The following PAK4 variants were observed in gnomAD, a reference collection of about 807,000 sequenced individuals.
The protein encoded by PAK4 is serine/threonine-protein kinase PAK 4.
Under a neutral mutation model 53.5 loss-of-function variants are expected in PAK4, and 49 were observed. That is an observed-to-expected ratio of 0.92 (90% confidence interval 0.73 to 1.16). The LOEUF (loss-of-function observed/expected upper bound fraction) is 1.16. PAK4 is among the 50% of genes most tolerant of loss of function. The pLI, the probability that PAK4 is intolerant of heterozygous loss-of-function variation, is 0.00. For missense variants in PAK4, 824 were observed against 850.7 expected, an observed-to-expected ratio of 0.97 and a Z score of 0.39; for synonymous variants, 376 against 375.6, an observed-to-expected ratio of 1.00 and a Z score of -0.01.
intron 1 of PAK4, among the ~76,000 whole-genome samples, chr19:39,128,403 C>T (rs1293358769): frequency 3.3e-5 from 5 of 152,258 alleles, no homozygotes; most frequent in Middle Eastern, 6.8e-3. Context: ...GTCAGGGAGC[C>T]GGCACACTGC....
chr19:39,150,592 G>A (rs1208918670), intron 1 of PAK4, among the ~76,000 whole-genome samples: 1 of 152,012 alleles, frequency 6.6e-6, no homozygotes, highest in Non-Finnish European at 1.5e-5. Context: ...AGTTACATCT[G>A]TAAAACCCAG....
chr19:39,160,250 T>G (rs1476865370), intron 1 of PAK4, among the ~76,000 whole-genome samples: 1 of 152,204 alleles, frequency 6.6e-6, no homozygotes, highest in Non-Finnish European at 1.5e-5. Context: ...GCCCTGCGCC[T>G]CCTCAGGGAC....
chr19:39,164,486 G>A (rs1489224905), intron 1 of PAK4, among the ~76,000 whole-genome samples: 1 of 152,056 alleles, frequency 6.6e-6, no homozygotes, highest in Non-Finnish European at 1.5e-5. Flanking sequence ...CCCATGCAAA[G>A]GCCCTGAGGT....
At chr19:39,169,892 C>T in intron 2 of PAK4, 135 bp downstream of exon 3, 1 of 685,948 alleles carries the variant, frequency 1.5e-6, no homozygotes, top group Non-Finnish European at 2.4e-6. Context: ...AGCCTTCCAC[C>T]CCTATCCTGG....
chr19:39,144,321 C>T (rs865854493), intron 1 of PAK4, among the ~76,000 whole-genome samples: 3 of 152,178 alleles, frequency 2.0e-5, no homozygotes, highest in Non-Finnish European at 4.4e-5. Context: ...CTTCACACAC[C>T]GTGTGAACGG....
At chr19:39,157,593 C>G (rs934327181) in intron 1 of PAK4, among the ~76,000 whole-genome samples, 2 of 152,224 alleles carry the variant, frequency 1.3e-5, no homozygotes, top group Non-Finnish European at 2.9e-5. Context: ...GGGGCACGCT[C>G]TGCTGGTGCC....
intron 1 of PAK4, among the ~76,000 whole-genome samples, chr19:39,127,433 T>C (rs2073608438): frequency 6.6e-6 from 1 of 152,070 alleles, no homozygotes. Flanking sequence ...CTGGCTCGCC[T>C]TGCTGCAGGC....
intron 1 of PAK4, among the ~76,000 whole-genome samples, chr19:39,142,107 G>A (rs760162233): frequency 1.3e-5 from 2 of 152,192 alleles, no homozygotes; most frequent in Non-Finnish European, 2.9e-5. Context: ...CTCCTGAATA[G>A]CTGGGACCAC....
intron 7 of PAK4, 72 bp from the exon 9 acceptor site, chr19:39,177,603 C>T: frequency 2.0e-6 from 3 of 1,515,254 alleles, no homozygotes; most frequent in Non-Finnish European, 2.7e-6. Flanking sequence ...CTGGAGCGGT[C>T]CCTGCCTGAG....
rs553038073 is a variant in PAK4, at chr19:39,148,704, C to G, written c.-22-20828C>G. Among the ~76,000 whole-genome samples the G allele has an allele frequency of 2.6e-5, 4 of 151,056 alleles. No homozygotes were observed. In the East Asian group the frequency reaches 7.8e-4, roughly 29 times the overall value. On this transcript the variant is annotated intron_variant, in intron 1 of 8. Transcript: ENST00000358301. The stretch of plus-strand genomic sequence containing the variant: ...ACTCCTGACCTCGTGATCCGCCTGC[C>G]TCAGCCTCCCAAAGTGCTGGGATTA...
intron 2 of PAK4, among the ~76,000 whole-genome samples, chr19:39,172,355 C>T (rs1340340197): frequency 6.6e-6 from 1 of 152,134 alleles, no homozygotes; most frequent in East Asian, 1.9e-4. Context: ...CTGCCTGGTC[C>T]CCATCTGCAT....
Position 39,161,179 on chromosome 19 carries a change from C to T in PAK4, c.-22-8353C>T, listed in dbSNP as rs2074278172. Among the ~76,000 whole-genome samples the T allele has an allele frequency of 6.6e-6, 1 of 152,262 alleles. No homozygotes were observed. Among genetic ancestry groups the T allele is most frequent in the Non-Finnish European group, 1.5e-5 (1 of 68,042 alleles). ...CCACGAAGGGGAGCCCTTGTGAGTC[C>T]ACGCCCTGCTGTAGGCACTGAAATG... On this transcript the variant is annotated intron_variant, in intron 1 of 8. Transcript: ENST00000358301. The surrounding 1 kb of genome is among the most constrained non-coding windows in gnomAD (Gnocchi z 4.5).
intron 4 of PAK4, 112 bp from the exon 6 acceptor site, chr19:39,174,819 T>G: frequency 1.5e-6 from 2 of 1,298,392 alleles, no homozygotes; most frequent in South Asian, 1.3e-5. Context: ...GTGGCCCCAG[T>G]GAGCACAAGC....
intron 2 of PAK4, among the ~76,000 whole-genome samples, chr19:39,170,013 C>G (rs2144824185): frequency 6.6e-6 from 1 of 152,318 alleles, no homozygotes; most frequent in South Asian, 2.1e-4. Context: ...ACACCAGCCT[C>G]CAAGCTCTGC....
At position 39,161,342 on chromosome 19, in the gene PAK4, G is replaced by A. The variant is rs1011454567; in HGVS notation, c.-22-8190G>A. Among the ~76,000 whole-genome samples the A allele has an allele frequency of 2.0e-5, 3 of 152,216 alleles. No individual in the cohort carries two copies. Among genetic ancestry groups the A allele is most frequent in the African/African-American group, 7.2e-5 (3 of 41,456 alleles). The stretch of plus-strand genomic sequence containing the variant: ...TGGAGGGAACGGACCTAGGCTGACT[G>A]CGCCAGGCTCCGCGCCAGGTGCTGG... On this transcript the variant is annotated intron_variant, in intron 1 of 8. Transcript: ENST00000358301. The surrounding 1 kb of genome is among the most constrained non-coding windows in gnomAD (Gnocchi z 4.5).
downstream of PAK4, chr19:39,180,459 T>A (rs1336291391): frequency 6.6e-6 from 1 of 152,146 alleles, no homozygotes; most frequent in Middle Eastern, 3.2e-3. Context: ...TTTTTTTTTT[T>A]TTTGAGACGG....
intron 7 of PAK4, 24 bp from the exon 9 acceptor site, chr19:39,177,651 C>T (rs1363728862): frequency 1.2e-5 from 19 of 1,605,298 alleles, no homozygotes; most frequent in Admixed American, 1.7e-5. Flanking sequence ...CAGCTCAGCC[C>T]TGCTGTCCCT....
chr19:39,154,892 C>T (rs2074151585), intron 1 of PAK4, among the ~76,000 whole-genome samples: 2 of 152,090 alleles, frequency 1.3e-5, no homozygotes, highest in South Asian at 4.1e-4. Flanking sequence ...AGAGCCTGGC[C>T]CAGCCCCTCC....
At chr19:39,139,466 G>A (rs1232534648) in intron 1 of PAK4, among the ~76,000 whole-genome samples, 1 of 152,174 alleles carries the variant, frequency 6.6e-6, no homozygotes, top group Non-Finnish European at 1.5e-5. Flanking sequence ...GGCTGGACCA[G>A]GAACACCTCA....
Sources: allele counts gnomAD v4.1 joint callset (sites outside exome capture counted in the v4.1 genomes callset), GRCh38; gene constraint gnomAD v4.1.1; non-coding constraint Gnocchi (gnomAD v3.1); transcripts MANE v1.5; gene names NCBI Gene and HGNC (gene_info 2026-07-23, HGNC 2026-07-21).